The following ANO3 variants were observed in gnomAD, a reference collection of about 807,000 sequenced individuals.
ANO3 encodes anoctamin-3.
ANO3 carries 99 observed loss-of-function variants against 144.8 expected under a neutral mutation model. That is an observed-to-expected ratio of 0.68 (90% CI 0.58 to 0.81). The LOEUF is 0.81. ANO3 is among the 30% of genes least tolerant of loss of function. The pLI is 0.00. For synonymous variants in ANO3, 414 were observed against 392.6 expected, an observed-to-expected ratio of 1.05 and a Z score of -0.64; for missense variants, 905 against 1,202.2, an observed-to-expected ratio of 0.75 and a Z score of 3.66.
At chr11:26,479,077 A>G (rs1220834445) in intron 4 of ANO3, among the ~76,000 whole-genome samples, 4 of 152,234 alleles carry the variant, frequency 2.6e-5, no homozygotes. Context: ...AGATGGAGAT[A>G]GAGAAGAAAT....
chr11:26,555,755 C>T (rs1002490213), intron 13 of ANO3, among the ~76,000 whole-genome samples: 1 of 152,104 alleles, frequency 6.6e-6, no homozygotes, highest in Admixed American at 6.6e-5. Flanking sequence ...TGGAAATCAA[C>T]AGTCTATTTT....
At chr11:26,610,493 T>C (rs979450482) in intron 17 of ANO3, among the ~76,000 whole-genome samples, 2 of 152,086 alleles carry the variant, frequency 1.3e-5, no homozygotes, top group Admixed American at 1.3e-4. Context: ...CCCATTCTGT[T>C]GTTTCCTTTG....
chr11:26,599,263 T>C (rs1390504969), intron 16 of ANO3, among the ~76,000 whole-genome samples: 3 of 152,220 alleles, frequency 2.0e-5, no homozygotes, highest in Admixed American at 1.3e-4. Flanking sequence ...GTTGACCTGA[T>C]GGATTAGACA....
chr11:26,660,487 G>A lies in ANO3; in HGVS notation c.*43G>A, dbSNP rs200768681. The stretch of plus-strand genomic sequence containing the variant: ...TTAGGGGTGATAACATTAATGGGAA[G>A]AAATGATGGCAACTTTGAATGCTAG... On this transcript the variant is annotated 3_prime_UTR_variant, in exon 27 of 27. Transcript: ENST00000256737. 1.4e-3 allele frequency: 2,202 copies of A among 1,528,616 alleles called. 1 individual carries two copies. The highest frequency in any genetic ancestry group is 1.9e-3 in the Admixed American group (90 of 46,750). 94.7% of individuals were successfully genotyped at this position (1,528,616 alleles called of 1,614,324 possible). A position where few individuals can be genotyped will look rare whatever the true frequency, so the allele number is the denominator to read the frequency against.
At position 26,661,487 on chromosome 11, in the gene ANO3, AC is replaced by A. The variant is rs1282206770; in HGVS notation, c.*1044del. 2.6e-5 allele frequency: 4 copies of A among 152,570 alleles called. No homozygotes were observed. Among genetic ancestry groups the A allele is most frequent in the South Asian group, 2.1e-4 (1 of 4,830 alleles). The allele number at this position is 152,570 out of a possible 1,614,324, so 9.5% of individuals were successfully genotyped here. On this transcript the variant is annotated 3_prime_UTR_variant, in exon 27 of 27. Coordinates refer to ENST00000256737, the MANE Select transcript of ANO3 (RefSeq NM_031418.4). ...TGAGGCCAGATGCTCTGCAACACTT[AC>A]GCTTTTTCAACAATGTGCACTCTTA...
chr11:26,584,627 A>T (rs1265032029), intron 14 of ANO3, among the ~76,000 whole-genome samples: 1 of 152,238 alleles, frequency 6.6e-6, no homozygotes. Context: ...GACTAAAAAA[A>T]CTTCAAGTGT....
intron 17 of ANO3, among the ~76,000 whole-genome samples, chr11:26,613,699 G>A (rs893334096): frequency 1.3e-5 from 2 of 152,154 alleles, no homozygotes; most frequent in African/African-American, 2.4e-5. Flanking sequence ...GGTTCTGAGT[G>A]GAGTCTCTAG....
intron 14 of ANO3, chr11:26,563,194 C>T (rs1202350885): frequency 6.2e-7 from 1 of 1,612,408 alleles, no homozygotes; most frequent in East Asian, 2.2e-5. Context: ...AAGTAGCCCA[C>T]AAGAGTAAGC....
chr11:26,394,513 C>G (rs922145504), intron 1 of ANO3, among the ~76,000 whole-genome samples: 1 of 150,436 alleles, frequency 6.6e-6, no homozygotes, highest in Non-Finnish European at 1.5e-5. Context: ...CAGTATTGAC[C>G]AATGTCTTCA....
At chr11:26,358,962 A>T (rs2133922025) in intron 1 of ANO3, among the ~76,000 whole-genome samples, 1 of 152,300 alleles carries the variant, frequency 6.6e-6, no homozygotes, top group Admixed American at 6.5e-5. Context: ...GTTTCTTCTT[A>T]ACTTCATGAA....
chr11:26,449,470 C>CTG, intron 3 of ANO3, among the ~76,000 whole-genome samples: 1 of 42,958 alleles, frequency 2.3e-5, no homozygotes, highest in East Asian at 1.3e-3. Flanking sequence ...CTCTGTCTGT[C>CTG]TGTCTCTCTC....
chr11:26,510,561 G>A (rs1861624610), intron 5 of ANO3, among the ~76,000 whole-genome samples: 1 of 152,090 alleles, frequency 6.6e-6, no homozygotes, highest in African/African-American at 2.4e-5. Flanking sequence ...ATCTTATTAT[G>A]ATGCTGGTAT....
chr11:26,394,894 T>A (rs2133966711), intron 1 of ANO3, among the ~76,000 whole-genome samples: 1 of 152,142 alleles, frequency 6.6e-6, no homozygotes, highest in Non-Finnish European at 1.5e-5. Flanking sequence ...ACACAAAAAA[T>A]TGATTTCTAT....
Position 26,553,230 on chromosome 11 carries a change from G to GTTT in ANO3, c.1290-16_1290-14dup. Reference sequence around the variant, plus strand: ...TCATGCTATGTTTTGTTTTGTTTTTGTTTTTGTTTTTTCTCAAGCCAAGAA... The same window carrying GTTT: ...TCATGCTATGTTTTGTTTTGTTTTTGTTTTTTTTGTTTTTTCTCAAGCCAAGAA... On this transcript the variant is annotated intron_variant, in intron 12 of 26. Coordinates refer to ENST00000256737, the MANE Select transcript of ANO3 (RefSeq NM_031418.4). 8 of 1,197,194 alleles carry GTTT rather than the reference G, an allele frequency of 6.7e-6. 1 individual carries two copies. The highest frequency in any genetic ancestry group is 2.2e-5 in the Admixed American group (1 of 45,386). 74.2% of individuals were successfully genotyped at this position (1,197,194 alleles called of 1,614,324 possible). A position where few individuals can be genotyped will look rare whatever the true frequency, so the allele number is the denominator to read the frequency against.
chr11:26,607,360 G>T (rs1176721696), intron 17 of ANO3, among the ~76,000 whole-genome samples: 3 of 151,992 alleles, frequency 2.0e-5, no homozygotes, highest in Admixed American at 6.5e-5. Flanking sequence ...TTGAATGTTG[G>T]CCTGTCTTGC....
chr11:26,508,552 G>T, intron 5 of ANO3: 1 of 354,558 alleles, frequency 2.8e-6, no homozygotes, highest in Non-Finnish European at 5.0e-6. Context: ...TTTATGAAAA[G>T]GAAAATAACA....
intron 3 of ANO3, among the ~76,000 whole-genome samples, chr11:26,460,974 G>A (rs192027728): frequency 7.2e-5 from 11 of 152,170 alleles, no homozygotes; most frequent in African/African-American, 2.6e-4. Flanking sequence ...TGATCCACAA[G>A]CCAGTGCCTG....
chr11:26,457,855 C>A (rs929591452), intron 3 of ANO3, among the ~76,000 whole-genome samples: 1 of 152,090 alleles, frequency 6.6e-6, no homozygotes, highest in Non-Finnish European at 1.5e-5. Flanking sequence ...ATCAGATTTA[C>A]TGTAACTGTT....
chr11:26,488,612 T>A (rs982322599), intron 4 of ANO3, among the ~76,000 whole-genome samples: 5 of 152,100 alleles, frequency 3.3e-5, no homozygotes, highest in African/African-American at 1.2e-4. Context: ...TTGCAGTGAG[T>A]GATACAGCTC....
Sources: gnomAD v4.1 joint callset for allele counts (sites outside exome capture counted in the v4.1 genomes callset) on GRCh38, gnomAD v4.1.1 for gene constraint, MANE v1.5 for transcripts, NCBI Gene and HGNC (gene_info 2026-07-23, HGNC 2026-07-21) for gene names.